Variants in DKK3 observed in about 807,000 individuals in gnomAD.
DKK3 encodes dickkopf-related protein 3.
DKK3 carries 22 observed loss-of-function variants against 33.2 expected under a neutral mutation model. The observed-to-expected ratio is 0.66, with a 90% CI of 0.47 to 0.95. DKK3 has a LOEUF of 0.95. DKK3 is among the 40% of genes least tolerant of loss of function. The pLI, the probability that DKK3 is intolerant of heterozygous loss-of-function variation, is 0.00. For missense variants in DKK3, 398 were observed against 458.4 expected (o/e 0.87, Z 1.20); for synonymous variants, 194 against 188.8 (o/e 1.03, Z -0.23).
chr11:12,005,443 G>T (rs576373770), intron 1 of DKK3, among the ~76,000 whole-genome samples: 1 of 152,170 alleles, frequency 6.6e-6, no homozygotes, highest in African/African-American at 2.4e-5. Context: ...TAAAATGAGT[G>T]AGTTACAGAG....
At chr11:11,977,020 A>G (rs1422176453) in intron 3 of DKK3, among the ~76,000 whole-genome samples, 1 of 152,116 alleles carries the variant, frequency 6.6e-6, no homozygotes, top group East Asian at 1.9e-4. Flanking sequence ...CCCTGTGGAA[A>G]AACCCAGGCA....
intron 3 of DKK3, 107 bp downstream of exon 3, chr11:11,998,589 C>T: frequency 1.1e-6 from 1 of 948,584 alleles, no homozygotes; most frequent in Non-Finnish European, 1.7e-6. Flanking sequence ...AGTCAGGAGA[C>T]TCCACTCCCT....
intron 3 of DKK3, among the ~76,000 whole-genome samples, chr11:11,975,898 G>T (rs1029654079): frequency 6.6e-6 from 1 of 152,186 alleles, no homozygotes; most frequent in Non-Finnish European, 1.5e-5. Context: ...TCTAATACAC[G>T]TTCACTTACA....
chr11:11,968,387 A>G lies in DKK3; in HGVS notation c.528+8T>C, dbSNP rs773195596. 8.7e-6 allele frequency: 14 copies of G among 1,610,590 alleles called. No homozygotes were observed. In the Admixed American group the frequency reaches 2.0e-4, roughly 23 times the overall value. On this transcript the variant is annotated splice_region_variant and intron_variant, in intron 4 of 6. Transcript: ENST00000683431. The stretch of plus-strand genomic sequence containing the variant: ...GTGCCACAGCCCCAGAGGCCCTGGC[A>G]TACTCACCATCCTCTGGCCCCGGCA...
rs1382013104 is a variant in DKK3 at position 12,008,300 on chromosome 11, A to G, written c.213+70T>C. 1 of 1,517,324 alleles carries G rather than the reference A, an allele frequency of 6.6e-7. No homozygotes were observed. The highest frequency in any genetic ancestry group is 1.4e-5 in the African/African-American group (1 of 72,088). 94.0% of individuals were successfully genotyped at this position (1,517,324 alleles called of 1,614,324 possible). The stretch of plus-strand genomic sequence containing the variant: ...CGAGGTCCCTGGCCAGCGCTCTTCC[A>G]TGCCTTCCCAGACTTCGCTGCCCCC... On this transcript the variant is annotated intron_variant, in intron 1 of 6. Transcript: ENST00000683431. This position sits in a 1 kb window ranked among gnomAD's most constrained non-coding sequence, Gnocchi z 4.6.
At chr11:11,999,430 G>A (rs1193133883) in intron 2 of DKK3, among the ~76,000 whole-genome samples, 1 of 152,042 alleles carries the variant, frequency 6.6e-6, no homozygotes, top group Admixed American at 6.5e-5. Context: ...AAAGATGTTT[G>A]GTCACCTGGC....
At chr11:11,971,025 G>A (rs1236498252) in intron 3 of DKK3, among the ~76,000 whole-genome samples, 1 of 149,230 alleles carries the variant, frequency 6.7e-6, no homozygotes, top group Non-Finnish European at 1.5e-5. Flanking sequence ...AATTAAAATT[G>A]AAGATTTTTT....
chr11:11,971,910 G>A (rs1230167652), intron 3 of DKK3, among the ~76,000 whole-genome samples: 5 of 152,134 alleles, frequency 3.3e-5, no homozygotes, highest in African/African-American at 1.2e-4. Context: ...TTCCTTTGGG[G>A]TATCAGCAAG....
At chr11:11,969,907 C>A (rs190694471) in intron 3 of DKK3, among the ~76,000 whole-genome samples, 3 of 152,338 alleles carry the variant, frequency 2.0e-5, no homozygotes, top group Admixed American at 1.3e-4. Context: ...GCTGTTTTTA[C>A]GGATAAGAAA....
chr11:11,989,271 T>C (rs375866971), intron 3 of DKK3, among the ~76,000 whole-genome samples: 83 of 152,332 alleles, frequency 5.4e-4, no homozygotes, highest in African/African-American at 1.9e-3. Context: ...CCTGTGTTCA[T>C]AGCAGCATTA....
At chr11:11,981,794 A>G (rs1416133223) in intron 3 of DKK3, among the ~76,000 whole-genome samples, 1 of 151,902 alleles carries the variant, frequency 6.6e-6, no homozygotes, top group Non-Finnish European at 1.5e-5. Flanking sequence ...CAACTTTTCC[A>G]TCTCTACTTT....
intron 3 of DKK3, among the ~76,000 whole-genome samples, chr11:11,982,465 C>T (rs999034865): frequency 6.6e-6 from 1 of 152,230 alleles, no homozygotes; most frequent in Non-Finnish European, 1.5e-5. Flanking sequence ...ATCTTTTCCT[C>T]CTTTTCTGGC....
intron 3 of DKK3, among the ~76,000 whole-genome samples, chr11:11,970,169 A>G (rs547468424): frequency 6.6e-6 from 1 of 152,366 alleles, no homozygotes; most frequent in Non-Finnish European, 1.5e-5. Flanking sequence ...GGAAGGGCCA[A>G]CAGGCACAGA....
At position 12,008,358 on chromosome 11, in the gene DKK3, G is replaced by A. The variant is rs766875369; in HGVS notation, c.213+12C>T. ...CGCTTCTCAGAGCCCCGCGCCGCCAGGGCGCACCCACCTCTTCCACCGCGC... is the reference window on the plus strand; with the variant it reads ...CGCTTCTCAGAGCCCCGCGCCGCCAAGGCGCACCCACCTCTTCCACCGCGC... On this transcript the variant is annotated intron_variant, in intron 1 of 6. Transcript: ENST00000683431. This position sits in a 1 kb window ranked among gnomAD's most constrained non-coding sequence, Gnocchi z 4.6. The A allele has an allele frequency of 6.2e-7, 1 of 1,600,454 alleles. No individual in the cohort carries two copies. Among genetic ancestry groups the A allele is most frequent in the East Asian group, 2.2e-5 (1 of 44,586 alleles).
intron 3 of DKK3, among the ~76,000 whole-genome samples, chr11:11,976,320 C>T (rs1216153112): frequency 6.6e-6 from 1 of 152,192 alleles, no homozygotes; most frequent in African/African-American, 2.4e-5. Context: ...CAACTACCAA[C>T]AAGGACAAGG....
intron 3 of DKK3, chr11:11,998,361 GA>G (rs1358983419): frequency 2.4e-6 from 1 of 409,362 alleles, no homozygotes; most frequent in African/African-American, 2.0e-5. Flanking sequence ...AGGCTCTGGG[GA>G]TTTCACCACC....
intron 3 of DKK3, among the ~76,000 whole-genome samples, chr11:11,977,702 A>G (rs577148296): frequency 4.6e-5 from 7 of 152,158 alleles, no homozygotes; most frequent in Non-Finnish European, 1.0e-4. Flanking sequence ...AGACACACCG[A>G]GTCCACAGTT....
At position 12,008,490 on chromosome 11, in the gene DKK3, T is replaced by G. The variant is rs1198600482; in HGVS notation, c.93A>C (p.Pro31=). 6.2e-7 allele frequency: 1 copy of G among 1,602,280 alleles called. No homozygotes were observed. The highest frequency in any genetic ancestry group is 1.1e-5 in the South Asian group (1 of 90,260). ...PAPAPTATSA[P]VKPGPALSYP... Reference sequence around the variant, plus strand: ...AGCTGAGAGCCGGGCCGGGCTTGACTGGAGCCGAGGTCGCCGTCGGAGCGG... The same window carrying G: ...AGCTGAGAGCCGGGCCGGGCTTGACGGGAGCCGAGGTCGCCGTCGGAGCGG... Residue 31 remains proline, a synonymous_variant, in exon 1 of 7, where the codon CCA becomes CCC. Transcript: ENST00000683431. This position sits in a 1 kb window ranked among gnomAD's most constrained non-coding sequence, Gnocchi z 4.6.
chr11:11,973,977 G>A (rs1590509061), intron 3 of DKK3, among the ~76,000 whole-genome samples: 1 of 152,224 alleles, frequency 6.6e-6, no homozygotes, highest in Non-Finnish European at 1.5e-5. Flanking sequence ...TACTGGCTGG[G>A]CACTTGGATT....
Sources: allele counts gnomAD v4.1 joint callset (sites outside exome capture counted in the v4.1 genomes callset), GRCh38; gene constraint gnomAD v4.1.1; non-coding constraint Gnocchi (gnomAD v3.1); transcripts MANE v1.5; gene names NCBI Gene and HGNC (gene_info 2026-07-23, HGNC 2026-07-21).